Variants in COPG1 observed in about 807,000 individuals in gnomAD.
The protein encoded by COPG1 is coat protein complex I subunit gamma 1.
In COPG1, 29 loss-of-function variants were observed where a neutral mutation model predicts 102.8. The ratio of observed to expected loss-of-function variants is 0.28; its 90% CI spans 0.21 to 0.38. The LOEUF (loss-of-function observed/expected upper bound fraction) is 0.38, where lower values mean the gene tolerates loss of function less well. Ranked by LOEUF, COPG1 falls within the 10% of genes least tolerant of loss-of-function variation. The pLI is 1.00. For synonymous variants in COPG1, 406 were observed against 421.6 expected, an observed-to-expected ratio of 0.96 and a Z score of 0.45; for missense variants, 875 against 1,132.7, an observed-to-expected ratio of 0.77 and a Z score of 3.27.
intron 10 of COPG1, among the ~76,000 whole-genome samples, chr3:129,259,928 A>C (rs1019963551): frequency 6.6e-6 from 1 of 152,236 alleles, no homozygotes; most frequent in South Asian, 2.1e-4. Context: ...CTGCAGGTGC[A>C]GGCAGTCTTG....
intron 10 of COPG1, among the ~76,000 whole-genome samples, chr3:129,259,169 G>A (rs1190668662): frequency 2.0e-5 from 3 of 152,048 alleles, no homozygotes; most frequent in Non-Finnish European, 4.4e-5. Flanking sequence ...TAGAAATGAA[G>A]AAAGAATGAA....
Position 129,250,722 on chromosome 3 carries a change from G to T in COPG1, c.78G>T (p.Ala26=), listed in dbSNP as rs1367429236. ...CATTCCAGCACCTTGAGAAGAGTGCGGTACTCCAGGAGGCAAGTGACATTT... is the reference window on the plus strand; with the variant it reads ...CATTCCAGCACCTTGAGAAGAGTGCTGTACTCCAGGAGGCAAGTGACATTT... ...SNPFQHLEKS[A]VLQEARVFNE... Residue 26 remains alanine, a synonymous_variant, in exon 2 of 24, where the codon GCG becomes GCT. Transcript: ENST00000314797. 1.9e-6 allele frequency: 3 copies of T among 1,613,786 alleles called. No homozygotes were observed. Among genetic ancestry groups the T allele is most frequent in the Non-Finnish European group, 2.5e-6 (3 of 1,179,836 alleles).
At chr3:129,267,165 T>C (rs1175647028) in intron 15 of COPG1, 66 bp downstream of exon 15, 2 of 1,270,978 alleles carry the variant, frequency 1.6e-6, no homozygotes, top group African/African-American at 3.2e-5. Flanking sequence ...CTTTCCTTTG[T>C]CTTTATTTTT....
intron 1 of COPG1, among the ~76,000 whole-genome samples, chr3:129,250,386 T>C (rs149025597): frequency 2.8e-4 from 43 of 152,270 alleles, no homozygotes; most frequent in African/African-American, 9.4e-4. Context: ...CCCTGGCACA[T>C]AGGGACTTAG....
At chr3:129,257,914 G>T (rs1032345066) in intron 10 of COPG1, 54 bp downstream of exon 10, 9 of 1,594,310 alleles carry the variant, frequency 5.6e-6, no homozygotes, top group Non-Finnish European at 7.7e-6. Context: ...CTGGGAACTA[G>T]GCCTGGGTTC....
In COPG1 at chr3:129,277,276, T is replaced by C. The variant is rs1189883384; in HGVS notation, c.2495-18T>C. On this transcript the variant is annotated intron_variant, in intron 23 of 23. Coordinates refer to ENST00000314797, the MANE Select transcript of COPG1 (RefSeq NM_016128.4). The stretch of plus-strand genomic sequence containing the variant: ...TCCCTTCTGCTGTATATATCTGTAC[T>C]TCTCTCTTCCCTTCTAGGTGTGTTC... The C allele has an allele frequency of 1.9e-6, 3 of 1,613,180 alleles. No individual in the cohort carries two copies. In the Admixed American group the frequency reaches 5.0e-5, roughly 27 times the overall value.
intron 15 of COPG1, among the ~76,000 whole-genome samples, chr3:129,267,585 A>G (rs1288330840): frequency 5.9e-5 from 9 of 152,192 alleles, no homozygotes; most frequent in Admixed American, 1.3e-4. Context: ...CATGCCCCGC[A>G]TTCCAGCCTG....
chr3:129,251,253 A>G (rs1248085084), intron 2 of COPG1, among the ~76,000 whole-genome samples: 1 of 151,062 alleles, frequency 6.6e-6, no homozygotes, highest in Non-Finnish European at 1.5e-5. Context: ...AAATTTCTCT[A>G]TTTAAAGTTA....
chr3:129,276,093 TA>T (rs1347606336), intron 23 of COPG1, among the ~76,000 whole-genome samples: 2 of 152,224 alleles, frequency 1.3e-5, no homozygotes, highest in African/African-American at 4.8e-5. Context: ...TCTTGATAAA[TA>T]ACTCCAAGTT....
At chr3:129,266,368 ATCC>A (rs748662567) in intron 14 of COPG1, among the ~76,000 whole-genome samples, 29 of 152,032 alleles carry the variant, frequency 1.9e-4, no homozygotes, top group Non-Finnish European at 4.0e-4. Flanking sequence ...GGCTCAAGCT[ATCC>A]TCCTGCCTCA....
At chr3:129,252,822 ACTCTGGCCCTTGGTGAG>A in intron 4 of COPG1, 37 bp from the exon 5 acceptor site, 1 of 1,588,962 alleles carries the variant, frequency 6.3e-7, no homozygotes, top group Non-Finnish European at 8.6e-7. Flanking sequence ...TCTTCTCCCA[ACTCTGGCCCTTGGTGAG>A]CCCGGGCTGA....
Position 129,264,055 on chromosome 3 carries a change from G to T in COPG1, c.1224+56G>T. On this transcript the variant is annotated intron_variant, in intron 13 of 23. Transcript: ENST00000314797. Reference sequence around the variant, plus strand: ...GGTCTCCTGGTGCAGGGAGTGACCTGACCACTGGCTCCATGCTCAGCTTTG... The same window carrying T: ...GGTCTCCTGGTGCAGGGAGTGACCTTACCACTGGCTCCATGCTCAGCTTTG... 4 of 1,399,064 alleles carry T rather than the reference G, an allele frequency of 2.9e-6. No homozygotes were observed. The South Asian group carries it at 4.6e-5, about 16-fold the overall frequency. 86.7% of individuals were successfully genotyped at this position (1,399,064 alleles called of 1,614,324 possible). A position where few individuals can be genotyped will look rare whatever the true frequency, so the allele number is the denominator to read the frequency against.
At chr3:129,266,910 G>A (rs966711836) in intron 14 of COPG1, 114 bp from the exon 15 acceptor site, 4 of 877,884 alleles carry the variant, frequency 4.6e-6, no homozygotes, top group Non-Finnish European at 7.5e-6. Context: ...CCTGGCTTGA[G>A]ACTTCTTGCC....
intron 1 of COPG1, 53 bp downstream of exon 1, chr3:129,249,799 T>C (rs62266874): frequency 0.12 from 191,770 of 1,538,756 alleles, 19,040 homozygotes; most frequent in African/African-American, 0.53. Flanking sequence ...CCCGCCGAGC[T>C]TTCCTTCTGG....
intron 18 of COPG1, among the ~76,000 whole-genome samples, chr3:129,270,277 C>T (rs774797591): frequency 3.3e-5 from 5 of 151,928 alleles, no homozygotes; most frequent in African/African-American, 9.7e-5. Context: ...TCTCCTAAGC[C>T]GCTTAAAGGG....
chr3:129,267,010 C>T lies in COPG1; in HGVS notation c.1469-14C>T. 6.2e-7 allele frequency: 1 copy of T among 1,612,570 alleles called. No homozygotes were observed. The highest frequency in any genetic ancestry group is 8.5e-7 in the Non-Finnish European group (1 of 1,178,932). ...GGGTGCATTGGGTAAATCACATTCGCTTCCTAAACACAGGTGCTGTGAGTG... is the reference window on the plus strand; with the variant it reads ...GGGTGCATTGGGTAAATCACATTCGTTTCCTAAACACAGGTGCTGTGAGTG... On this transcript the variant is annotated splice_polypyrimidine_tract_variant and intron_variant, in intron 14 of 23. Coordinates refer to ENST00000314797, the MANE Select transcript of COPG1 (RefSeq NM_016128.4).
chr3:129,265,279 A>G (rs901871410), intron 13 of COPG1, among the ~76,000 whole-genome samples: 2 of 151,960 alleles, frequency 1.3e-5, no homozygotes, highest in Non-Finnish European at 2.9e-5. Flanking sequence ...TTTTGTAGTG[A>G]TGGGGTCTCT....
Position 129,252,338 on chromosome 3 carries a change from A to G in COPG1, c.148A>G (p.Lys50Glu), listed in dbSNP as rs1304109314. The change falls in exon 3 of 24, where the codon AAG becomes GAG. Residue 50 changes from lysine to glutamate, a missense_variant. Coordinates refer to ENST00000314797, the MANE Select transcript of COPG1 (RefSeq NM_016128.4). Reference sequence around the variant, plus strand: ...TCGGAAATGTGCCCACATCCTCACCAAGATTCTTTATCTCATAAACCAGGT... The same window carrying G: ...TCGGAAATGTGCCCACATCCTCACCGAGATTCTTTATCTCATAAACCAGGT... ...NPRKCAHILTKILYLINQGEH... is the reference protein window; with the variant it reads ...NPRKCAHILTEILYLINQGEH... The G allele has an allele frequency of 3.1e-6, 5 of 1,612,202 alleles. No individual in the cohort carries two copies. Among genetic ancestry groups the G allele is most frequent in the Non-Finnish European group, 4.2e-6 (5 of 1,178,412 alleles).
rs1940000725 is a variant in COPG1, at chr3:129,263,969, G to A, written c.1194G>A (p.Met398Ile). 1.2e-6 allele frequency: 2 copies of A among 1,614,034 alleles called. No individual in the cohort carries two copies. Among genetic ancestry groups the A allele is most frequent in the Admixed American group, 1.7e-5 (1 of 59,992 alleles). Residue 398 changes from methionine (M) to isoleucine (I), a missense_variant, in exon 13 of 24, where the codon ATG becomes ATA. Coordinates refer to ENST00000314797, the MANE Select transcript of COPG1 (RefSeq NM_016128.4). ...QKYPRKHAVL[M>I]NFLFTMLREE... ...ATCCTCGCAAACACGCCGTCCTTAT[G>A]AACTTCCTGTTCACCATGCTGCGGG...
Sources: allele counts gnomAD v4.1 joint callset (sites outside exome capture counted in the v4.1 genomes callset), GRCh38; gene constraint gnomAD v4.1.1; transcripts MANE v1.5; gene names NCBI Gene and HGNC (gene_info 2026-07-23, HGNC 2026-07-21).